The following ZNF431 variants were observed in gnomAD, a reference collection of about 807,000 sequenced individuals.
The protein encoded by ZNF431 is zinc finger protein 431.
ZNF431 carries 34 observed loss-of-function variants against 57.0 expected under a neutral mutation model. The ratio of observed to expected loss-of-function variants is 0.60; its 90% CI spans 0.45 to 0.79. ZNF431 has a LOEUF of 0.79. Ranked by LOEUF, ZNF431 falls within the 30% of genes least tolerant of loss-of-function variation. ZNF431 has a pLI of 0.00. For missense variants in ZNF431, 607 were observed against 667.1 expected, an observed-to-expected ratio of 0.91 and a Z score of 0.99; for synonymous variants, 207 against 220.3, an observed-to-expected ratio of 0.94 and a Z score of 0.54.
In ZNF431 at chr19:21,191,921, G is replaced by T. The variant is rs926532792; in HGVS notation, c.*7887G>T. On this transcript the variant is annotated 3_prime_UTR_variant, in exon 5 of 5. Transcript: ENST00000311048. ...AAGTATATCACGTATTTCGATAGAG[G>T]TTGCATTATACCTGTAGGTCATTTT... The T allele has an allele frequency of 6.6e-6, 1 of 152,120 alleles. No homozygotes were observed. The highest frequency in any genetic ancestry group is 2.4e-5 in the African/African-American group (1 of 41,418). The allele number at this position is 152,120 out of a possible 1,614,324, so 9.4% of individuals were successfully genotyped here. A position where few individuals can be genotyped will look rare whatever the true frequency, so the allele number is the denominator to read the frequency against.
chr19:21,142,555 TTCCCAGTTCC>T (rs1969971847), intron 1 of ZNF431, among the ~76,000 whole-genome samples: 1 of 152,088 alleles, frequency 6.6e-6, no homozygotes, highest in African/African-American at 2.4e-5. Context: ...TTCCGTGGAG[TTCCCAGTTCC>T]TCTTGTCTTC....
At chr19:21,165,570 A>G (rs1024348046) in intron 2 of ZNF431, among the ~76,000 whole-genome samples, 3 of 152,092 alleles carry the variant, frequency 2.0e-5, no homozygotes, top group African/African-American at 7.2e-5. Flanking sequence ...GATGTTAATA[A>G]TTTACTTGGT....
intron 4 of ZNF431, among the ~76,000 whole-genome samples, chr19:21,180,406 A>G (rs1289111181): frequency 6.6e-6 from 1 of 152,120 alleles, no homozygotes; most frequent in Admixed American, 6.6e-5. Context: ...TGCTTGTCTG[A>G]AAAGAATTTT....
Position 21,195,824 on chromosome 19 carries a change from C to G in ZNF431, c.*11790C>G. On this transcript the variant is annotated 3_prime_UTR_variant, in exon 5 of 5. Transcript: ENST00000311048. ...TTTAATATTTAGATGTGTGATACAT[C>G]TTTGGATAATCTGTAATTAAATTGA... The G allele has an allele frequency of 6.6e-6, 1 of 152,062 alleles. No homozygotes were observed. The highest frequency in any genetic ancestry group is 1.9e-4 in the East Asian group (1 of 5,204). The allele number at this position is 152,062 out of a possible 1,614,324, so 9.4% of individuals were successfully genotyped here.
rs1971269526 is a variant in ZNF431, at chr19:21,183,403, C to A, written c.1100C>A (p.Thr367Asn). The change falls in exon 5 of 5, where the codon ACT (threonine) becomes AAT (asparagine). Residue 367 changes from threonine (T) to asparagine (N), a missense_variant. Coordinates refer to ENST00000311048, the MANE Select transcript of ZNF431 (RefSeq NM_133473.4). ...SYLTKHKIIH[T>N]GEKSYKCEEC... ...CTTACTAAACATAAGATAATTCATA[C>A]TGGAGAAAAATCTTACAAATGTGAA... 11 of 1,613,290 alleles carry A rather than the reference C, an allele frequency of 6.8e-6. No individual in the cohort carries two copies. The East Asian group carries it at 2.5e-4, about 36-fold the overall frequency.
Position 21,145,799 on chromosome 19 carries a change from T to G in ZNF431, c.96+2156T>G, listed in dbSNP as rs150733789. 8.5e-3 allele frequency among the ~76,000 whole-genome samples: 1,300 copies of G among 152,264 alleles called. 15 individuals are homozygous for G. Among genetic ancestry groups the G allele is most frequent in the Admixed American group, 0.013 (195 of 15,304 alleles). The stretch of plus-strand genomic sequence containing the variant: ...TAAAAACTGTAAGTATTGGAAAGTT[T>G]AGGCTGACAAGGGCTTTCTTTCCTA... On this transcript the variant is annotated intron_variant, in intron 2 of 4. Coordinates refer to ENST00000311048, the MANE Select transcript of ZNF431 (RefSeq NM_133473.4).
At chr19:21,157,029 C>T (rs112797771) in intron 2 of ZNF431, among the ~76,000 whole-genome samples, 2 of 152,188 alleles carry the variant, frequency 1.3e-5, no homozygotes, top group African/African-American at 4.8e-5. Context: ...CCACCTGCCT[C>T]GGCCTCCCAA....
chr19:21,182,477 A>G, intron 4 of ZNF431, 146 bp from the exon 5 acceptor site: 2 of 936,786 alleles, frequency 2.1e-6, no homozygotes, highest in East Asian at 2.8e-5. Context: ...TTTTTATTAG[A>G]TTTATATGTC....
intron 2 of ZNF431, among the ~76,000 whole-genome samples, chr19:21,150,703 T>G (rs1970246375): frequency 6.6e-6 from 1 of 152,166 alleles, no homozygotes; most frequent in Non-Finnish European, 1.5e-5. Flanking sequence ...GTGGTCAAGA[T>G]TATGTTTCTC....
chr19:21,190,693 G>C lies in ZNF431; in HGVS notation c.*6659G>C. The C allele has an allele frequency of 1.1e-5, 1 of 91,910 alleles. No homozygotes were observed. The highest frequency in any genetic ancestry group is 1.1e-4 in the Admixed American group (1 of 8,720). The allele number at this position is 91,910 out of a possible 1,614,324, so 5.7% of individuals were successfully genotyped here. On this transcript the variant is annotated 3_prime_UTR_variant, in exon 5 of 5. Coordinates refer to ENST00000311048, the MANE Select transcript of ZNF431 (RefSeq NM_133473.4). ...TTTTTTCTTTTTGAGATGGAGTTTT[G>C]TTCTTGTTGCCCAGGCTGGAGTGCA... is the stretch of plus-strand genomic sequence containing the variant.
chr19:21,172,427 CAAAAAAA>C (rs372960141), intron 4 of ZNF431, among the ~76,000 whole-genome samples: 6 of 63,944 alleles, frequency 9.4e-5, no homozygotes, highest in African/African-American at 3.5e-4. Flanking sequence ...GATTCCATCT[CAAAAAAA>C]AAAAAAAAGA....
In ZNF431 at chr19:21,194,056, AAAG is replaced by A. The variant is rs1196899277; in HGVS notation, c.*10029_*10031del. The A allele has an allele frequency of 2.0e-5, 3 of 152,350 alleles. No homozygotes were observed. Among genetic ancestry groups the A allele is most frequent in the Non-Finnish European group, 2.9e-5 (2 of 68,032 alleles). The allele number at this position is 152,350 out of a possible 1,614,324, so 9.4% of individuals were successfully genotyped here. ...AAAAATAAATGGCATCCAAATAGGA[AAAG>A]AAGAAGTGAAATTACCTTCACTCAT... On this transcript the variant is annotated 3_prime_UTR_variant, in exon 5 of 5. Transcript: ENST00000311048.
intron 2 of ZNF431, among the ~76,000 whole-genome samples, chr19:21,157,421 T>G (rs931676188): frequency 1.3e-5 from 2 of 151,452 alleles, no homozygotes; most frequent in African/African-American, 4.9e-5. Context: ...ATTGTGGTCT[T>G]TTTTTGCTTG....
intron 2 of ZNF431, among the ~76,000 whole-genome samples, chr19:21,164,262 A>G (rs1297958851): frequency 6.6e-6 from 1 of 152,106 alleles, no homozygotes; most frequent in Non-Finnish European, 1.5e-5. Context: ...CCACCTTTGT[A>G]CTAAAGGGTG....
intron 2 of ZNF431, among the ~76,000 whole-genome samples, chr19:21,163,971 C>A (rs1970647889): frequency 6.6e-6 from 1 of 151,464 alleles, no homozygotes; most frequent in African/African-American, 2.4e-5. Flanking sequence ...ATCCCAGCTA[C>A]TCAGGAGGCT....
chr19:21,150,728 A>G (rs1450854949), intron 2 of ZNF431, among the ~76,000 whole-genome samples: 1 of 152,214 alleles, frequency 6.6e-6, no homozygotes, highest in Non-Finnish European at 1.5e-5. Flanking sequence ...CCAAATATGA[A>G]GAACTGAGTA....
rs186572440 is a variant in ZNF431 at position 21,191,645 on chromosome 19, A to T, written c.*7611A>T. On this transcript the variant is annotated 3_prime_UTR_variant, in exon 5 of 5. Coordinates refer to ENST00000311048, the MANE Select transcript of ZNF431 (RefSeq NM_133473.4). The stretch of plus-strand genomic sequence containing the variant: ...GGATATAAAGTTTTCTTAATTGAAG[A>T]TTCTGTTCTTTCCCTTTAAAGTCAC... The T allele has an allele frequency of 6.6e-4, 101 of 152,260 alleles. No individual in the cohort carries two copies. The highest frequency in any genetic ancestry group is 2.4e-3 in the African/African-American group (99 of 41,556). 9.4% of individuals were successfully genotyped at this position (152,260 alleles called of 1,614,324 possible).
At position 21,194,989 on chromosome 19, in the gene ZNF431, G is replaced by A. The variant is rs971362771; in HGVS notation, c.*10955G>A. The A allele has an allele frequency of 6.6e-6, 1 of 152,128 alleles. No individual in the cohort carries two copies. Among genetic ancestry groups the A allele is most frequent in the Non-Finnish European group, 1.5e-5 (1 of 68,030 alleles). 9.4% of individuals were successfully genotyped at this position (152,128 alleles called of 1,614,324 possible). ...ACGTGATGATTGGAAGCAAAAACGT[G>A]GGGCTTTTTCCTATTGAATACAAAG... On this transcript the variant is annotated 3_prime_UTR_variant, in exon 5 of 5. Coordinates refer to ENST00000311048, the MANE Select transcript of ZNF431 (RefSeq NM_133473.4).
At chr19:21,167,892 C>T (rs888117913) in intron 4 of ZNF431, among the ~76,000 whole-genome samples, 1 of 152,118 alleles carries the variant, frequency 6.6e-6, no homozygotes, top group African/African-American at 2.4e-5. Flanking sequence ...GATCTTCCTT[C>T]AAGTCTACAA....
Sources: allele counts gnomAD v4.1 joint callset (sites outside exome capture counted in the v4.1 genomes callset), GRCh38; gene constraint gnomAD v4.1.1; transcripts MANE v1.5; gene names NCBI Gene and HGNC (gene_info 2026-07-23, HGNC 2026-07-21).